The following LTBP1 variants were observed in gnomAD, a reference collection of about 807,000 sequenced individuals.
LTBP1 encodes latent-transforming growth factor beta-binding protein 1.
LTBP1 carries 129 observed loss-of-function variants against 207.6 expected under a neutral mutation model. The observed-to-expected ratio is 0.62, with a 90% confidence interval of 0.54 to 0.72. The LOEUF (loss-of-function observed/expected upper bound fraction) is 0.72. Ranked by LOEUF, LTBP1 falls within the 30% of genes least tolerant of loss-of-function variation. The pLI is 0.00. For missense variants in LTBP1, 2,281 were observed against 2,217.2 expected, an observed-to-expected ratio of 1.03 and a Z score of -0.58; for synonymous variants, 963 against 833.7, an observed-to-expected ratio of 1.16 and a Z score of -2.67.
chr2:33,175,631 G>T (rs967957416), intron 5 of LTBP1, among the ~76,000 whole-genome samples: 17 of 152,102 alleles, frequency 1.1e-4, no homozygotes, highest in Admixed American at 5.2e-4. Flanking sequence ...AAATACCATT[G>T]GACCGAGCCA....
intron 32 of LTBP1, among the ~76,000 whole-genome samples, chr2:33,391,785 G>C (rs1408577717): frequency 8.7e-6 from 1 of 115,584 alleles, no homozygotes; most frequent in Non-Finnish European, 1.8e-5. Flanking sequence ...TTTAATGCTG[G>C]CATTGCTTTA....
At chr2:33,097,466 T>G (rs1053917323) in intron 3 of LTBP1, among the ~76,000 whole-genome samples, 7 of 152,206 alleles carry the variant, frequency 4.6e-5, no homozygotes, top group African/African-American at 1.7e-4. Flanking sequence ...TTATTTTGTT[T>G]CTGATCATCT....
At chr2:33,346,419 C>T (rs1372989959) in intron 25 of LTBP1, among the ~76,000 whole-genome samples, 1 of 152,044 alleles carries the variant, frequency 6.6e-6, no homozygotes, top group Non-Finnish European at 1.5e-5. Context: ...CGTGGTGGCT[C>T]ACGTCTGTAA....
chr2:33,181,464 T>C (rs560998500), intron 5 of LTBP1, among the ~76,000 whole-genome samples: 29 of 152,346 alleles, frequency 1.9e-4, no homozygotes, highest in African/African-American at 5.8e-4. Context: ...CTTGTTGTTC[T>C]TCCAGCATGG....
chr2:33,070,846 G>A (rs1259317866), intron 3 of LTBP1, among the ~76,000 whole-genome samples: 1 of 152,166 alleles, frequency 6.6e-6, no homozygotes, highest in Non-Finnish European at 1.5e-5. Flanking sequence ...GTAGTCAGGG[G>A]AATAGGGTCA....
At chr2:33,397,968 G>A (rs749828893) in intron 33 of LTBP1, among the ~76,000 whole-genome samples, 2 of 152,142 alleles carry the variant, frequency 1.3e-5, no homozygotes, top group African/African-American at 2.4e-5. Context: ...AAGGAGGTCT[G>A]TGAATGTTAT....
intron 11 of LTBP1, among the ~76,000 whole-genome samples, chr2:33,254,244 A>C (rs2092765139): frequency 1.3e-5 from 2 of 151,872 alleles, no homozygotes. Flanking sequence ...TCAGTTTTTA[A>C]AGCTTTCAGT....
chr2:33,324,905 C>T (rs368925255), intron 24 of LTBP1, among the ~76,000 whole-genome samples: 1 of 152,062 alleles, frequency 6.6e-6, no homozygotes, highest in African/African-American at 2.4e-5. Flanking sequence ...CAGGGTTTCA[C>T]TCTGTTAGCC....
At chr2:33,335,540 C>G (rs776670413) in intron 24 of LTBP1, among the ~76,000 whole-genome samples, 17 of 152,178 alleles carry the variant, frequency 1.1e-4, no homozygotes, top group Admixed American at 3.9e-4. Context: ...TATTGTATTG[C>G]CTGGACCATC....
chr2:33,313,972 T>C (rs13394195), intron 23 of LTBP1, among the ~76,000 whole-genome samples: 55,879 of 151,976 alleles, frequency 0.37, 11,171 homozygotes, highest in Non-Finnish European at 0.42. Context: ...TGTTAGCCAA[T>C]ATAATTAGAA....
chr2:33,050,737 C>CT (rs566264169), intron 3 of LTBP1, among the ~76,000 whole-genome samples: 13,612 of 143,302 alleles, frequency 0.095, 1,318 homozygotes, highest in East Asian at 0.46. Flanking sequence ...TTGAAACTCT[C>CT]TTTTTTTTTT....
chr2:33,321,612 G>A (rs555419378), intron 24 of LTBP1, among the ~76,000 whole-genome samples: 1 of 152,294 alleles, frequency 6.6e-6, no homozygotes, highest in East Asian at 1.9e-4. Context: ...TTGTGGCATG[G>A]ATATAGAACT....
intron 3 of LTBP1, among the ~76,000 whole-genome samples, chr2:33,068,044 G>C (rs1389986513): frequency 1.3e-5 from 2 of 151,866 alleles, no homozygotes; most frequent in Admixed American, 1.3e-4. Flanking sequence ...ATATGCTCCT[G>C]GATAACAGTA....
intron 10 of LTBP1, among the ~76,000 whole-genome samples, chr2:33,252,123 C>A (rs1296582858): frequency 6.6e-6 from 1 of 152,168 alleles, no homozygotes; most frequent in Non-Finnish European, 1.5e-5. Context: ...TTGTGTGGCA[C>A]TCGAAATCAG....
chr2:33,282,514 C>T (rs2093580281), intron 19 of LTBP1, among the ~76,000 whole-genome samples: 1 of 152,174 alleles, frequency 6.6e-6, no homozygotes, highest in Non-Finnish European at 1.5e-5. Context: ...GCAGATATTG[C>T]AGCATGCCTT....
At chr2:33,322,116 T>A (rs1311091254) in intron 24 of LTBP1, among the ~76,000 whole-genome samples, 1 of 142,098 alleles carries the variant, frequency 7.0e-6, no homozygotes, top group Non-Finnish European at 1.5e-5. Flanking sequence ...GCAAAAAATT[T>A]GAGATCTCTT....
At chr2:33,171,028 G>A (rs953032522) in intron 5 of LTBP1, among the ~76,000 whole-genome samples, 3 of 149,250 alleles carry the variant, frequency 2.0e-5, no homozygotes, top group African/African-American at 2.5e-5. Context: ...CATCATCAAA[G>A]ACCAAAAGTA....
At chr2:33,230,550 C>T (rs1333751873) in intron 9 of LTBP1, among the ~76,000 whole-genome samples, 1 of 152,072 alleles carries the variant, frequency 6.6e-6, no homozygotes, top group Non-Finnish European at 1.5e-5. Flanking sequence ...CAGCATTTGT[C>T]ATTTGATTAT....
intron 4 of LTBP1, among the ~76,000 whole-genome samples, chr2:33,113,080 A>G (rs1452310967): frequency 6.6e-6 from 1 of 152,208 alleles, no homozygotes; most frequent in Non-Finnish European, 1.5e-5. Flanking sequence ...GAGGTATGTC[A>G]TTGTAGTCCA....
Sources: allele counts gnomAD v4.1 joint callset (sites outside exome capture counted in the v4.1 genomes callset), GRCh38; gene constraint gnomAD v4.1.1; transcripts MANE v1.5; gene names NCBI Gene and HGNC (gene_info 2026-07-23, HGNC 2026-07-21).